The following AANAT variants were observed in gnomAD, a reference collection of about 807,000 sequenced individuals.
AANAT encodes the protein aralkylamine N-acetyltransferase.
Under a neutral mutation model 15.6 loss-of-function variants are expected in AANAT, and 11 were observed. The observed-to-expected ratio is 0.71, with a 90% confidence interval of 0.44 to 1.17. The LOEUF (loss-of-function observed/expected upper bound fraction) is 1.17, where lower values mean the gene tolerates loss of function less well. Among genes scored for constraint, AANAT ranks in the 50% most tolerant of loss-of-function variants. The probability of loss-of-function intolerance (pLI) is 0.00; values close to 1 mark genes in which losing one functional copy is unlikely to be tolerated. For missense variants in AANAT, 286 were observed against 296.3 expected, an observed-to-expected ratio of 0.97 and a Z score of 0.26; for synonymous variants, 139 against 131.5, an observed-to-expected ratio of 1.06 and a Z score of -0.39.
chr17:76,457,061 A>T (rs2073348973), intron 1 of AANAT, among the ~76,000 whole-genome samples: 1 of 152,034 alleles, frequency 6.6e-6, no homozygotes, highest in Admixed American at 6.6e-5. Flanking sequence ...TTTTTGTTTC[A>T]TGGCAGGGTC....
upstream of AANAT, among the ~76,000 whole-genome samples, chr17:76,462,679 C>G (rs528937506): frequency 6.6e-6 from 1 of 152,134 alleles, no homozygotes; most frequent in South Asian, 2.1e-4. Context: ...GAGCCTGCCA[C>G]GTGGTAGTAC....
At position 76,468,720 on chromosome 17, in the gene AANAT, C is replaced by T. The variant is rs575079140; in HGVS notation, c.-27C>T. The T allele has an allele frequency of 3.6e-5, 58 of 1,597,852 alleles. No individual in the cohort carries two copies. The highest frequency in any genetic ancestry group is 3.4e-4 in the East Asian group (15 of 44,204). On this transcript the variant is annotated 5_prime_UTR_variant, in exon 2 of 4. Transcript: ENST00000392492. ...TAGGAGGACACTTCCAAAGCTGGGG[C>T]GCCCCAAGGAGGCACCAGTGGCCAG...
At chr17:76,457,967 C>T (rs1598635511) in intron 1 of AANAT, among the ~76,000 whole-genome samples, 1 of 152,150 alleles carries the variant, frequency 6.6e-6, no homozygotes, top group African/African-American at 2.4e-5. Flanking sequence ...ACCCGGGAGG[C>T]GGAGGCTGCA....
intron 2 of AANAT, 39 bp downstream of exon 2, chr17:76,468,948 C>T (rs1360376919): frequency 3.8e-6 from 6 of 1,590,326 alleles, no homozygotes; most frequent in Non-Finnish European, 5.2e-6. Flanking sequence ...ATGCTCCACT[C>T]TGGTCCAGTT....
In AANAT at chr17:76,469,927, C is replaced by T. The variant is rs1207119477; in HGVS notation, c.581C>T (p.Ser194Phe). 1 of 1,543,688 alleles carries T rather than the reference C, an allele frequency of 6.5e-7. No homozygotes were observed. The highest frequency in any genetic ancestry group is 2.0e-5 in the Admixed American group (1 of 49,762). Residue 194 changes from serine (S) to phenylalanine (F), a missense_variant, in exon 4 of 4, where the codon TCC becomes TTC. Physicochemically the swap from Ser to Phe is radical, Grantham distance 155. Transcript: ENST00000392492. This position sits in a 1 kb window ranked among gnomAD's most constrained non-coding sequence, Gnocchi z 5.2. ...GSLTFMELHC[S>F]LRGHPFLRRN... ...CTCACCTTCATGGAGCTCCACTGCTCCCTGCGGGGCCACCCCTTCCTGCGC... is the reference window on the plus strand; with the variant it reads ...CTCACCTTCATGGAGCTCCACTGCTTCCTGCGGGGCCACCCCTTCCTGCGC...
upstream of AANAT, among the ~76,000 whole-genome samples, chr17:76,463,227 G>GCACTC (rs945617073): frequency 6.6e-6 from 1 of 151,364 alleles, no homozygotes; most frequent in Non-Finnish European, 1.5e-5. Context: ...AACGGCCTCT[G>GCACTC]CACTCCACCT....
At chr17:76,457,129 G>A (rs1172475363) in intron 1 of AANAT, among the ~76,000 whole-genome samples, 5 of 152,060 alleles carry the variant, frequency 3.3e-5, no homozygotes, top group Non-Finnish European at 5.9e-5. Flanking sequence ...TGCAACCTCC[G>A]TCTCCCAGGT....
In AANAT at chr17:76,468,728, G is replaced by C. The variant is rs1487975893; in HGVS notation, c.-19G>C. 5 of 1,605,616 alleles carry C rather than the reference G, an allele frequency of 3.1e-6. No homozygotes were observed. The highest frequency in any genetic ancestry group is 4.2e-6 in the Non-Finnish European group (5 of 1,177,282). On this transcript the variant is annotated 5_prime_UTR_variant, in exon 2 of 4. Coordinates refer to ENST00000392492, the MANE Select transcript of AANAT (RefSeq NM_001088.3). ...CACTTCCAAAGCTGGGGCGCCCCAA[G>C]GAGGCACCAGTGGCCAGAATGTCCA...
Position 76,469,876 on chromosome 17 carries a change from G to T in AANAT, c.530G>T (p.Gly177Val). 1.3e-6 allele frequency: 2 copies of T among 1,587,836 alleles called. No individual in the cohort carries two copies. Among genetic ancestry groups the T allele is most frequent in the Non-Finnish European group, 1.7e-6 (2 of 1,168,546 alleles). The change falls in exon 4 of 4, where the codon GGC becomes GTC. Residue 177 changes from glycine (G) to valine (V), a missense_variant. Physicochemically the swap from Gly to Val is moderately radical, Grantham distance 109. Transcript: ENST00000392492. The surrounding 1 kb of genome is among the most constrained non-coding windows in gnomAD (Gnocchi z 5.2). ...GAGAGGTTCAGCTTCCACGCCGTGG[G>T]CCCCTGCGCCATCACCGTGGGCTCC... ...FYERFSFHAV[G>V]PCAITVGSLT...
At chr17:76,464,988 A>T (rs2073423517), upstream of AANAT, among the ~76,000 whole-genome samples, 1 of 150,926 alleles carries the variant, frequency 6.6e-6, no homozygotes, top group Admixed American at 6.6e-5. Context: ...GTAGAGACGG[A>T]GTTTCACCAT....
intron 1 of AANAT, among the ~76,000 whole-genome samples, chr17:76,467,949 G>C (rs573010286): frequency 6.6e-6 from 1 of 152,210 alleles, no homozygotes; most frequent in South Asian, 2.1e-4. Flanking sequence ...GTGTGGGGCA[G>C]GGGGTGTCCT....
At position 76,469,424 on chromosome 17, in the gene AANAT, C is replaced by T. The variant is rs2073488427; in HGVS notation, c.318+97C>T. 7.9e-6 allele frequency: 12 copies of T among 1,522,496 alleles called. No homozygotes were observed. In the South Asian group the frequency reaches 1.2e-4, roughly 15 times the overall value. The allele number at this position is 1,522,496 out of a possible 1,614,324, so 94.3% of individuals were successfully genotyped here. A position where few individuals can be genotyped will look rare whatever the true frequency, so the allele number is the denominator to read the frequency against. On this transcript the variant is annotated intron_variant, in intron 3 of 3. Transcript: ENST00000392492. The surrounding 1 kb of genome is among the most constrained non-coding windows in gnomAD (Gnocchi z 5.2). Reference sequence around the variant, plus strand: ...GGGAGCCCAGGGGCTGGGATTTCTTCCTCCAGAACTGGAGAGATGAGTACA... The same window carrying T: ...GGGAGCCCAGGGGCTGGGATTTCTTTCTCCAGAACTGGAGAGATGAGTACA...
chr17:76,461,554 A>G (rs2073388314), intron 2 of AANAT, among the ~76,000 whole-genome samples: 1 of 142,490 alleles, frequency 7.0e-6, no homozygotes, highest in African/African-American at 2.6e-5. Flanking sequence ...AGGTTGGTGA[A>G]CTGAGATTGT....
At chr17:76,466,211 TG>T (rs2073436847), upstream of AANAT, 1 of 1,535,952 alleles carries the variant, frequency 6.5e-7, no homozygotes, top group Non-Finnish European at 8.7e-7. Context: ...AGAGGCCTTT[TG>T]GGGGACCCTG....
chr17:76,462,612 T>A (rs2143968479), upstream of AANAT: 1 of 152,428 alleles, frequency 6.6e-6, no homozygotes, highest in East Asian at 1.9e-4. Flanking sequence ...GGGTCGCTCA[T>A]GAGACCTCTC....
exon 1 of AANAT, chr17:76,453,410 G>C (rs2073299496): frequency 3.4e-6 from 1 of 294,772 alleles, no homozygotes; most frequent in Non-Finnish European, 6.2e-6. Flanking sequence ...AGCGAGAAGG[G>C]GCGGGGACCC....
upstream of AANAT, chr17:76,467,548 C>T (rs1326869662): frequency 1.4e-5 from 14 of 985,372 alleles, no homozygotes; most frequent in Non-Finnish European, 1.6e-5. Flanking sequence ...TGGGATAGCT[C>T]GAGAGGTGGG....
chr17:76,463,274 G>C (rs567722235), upstream of AANAT, among the ~76,000 whole-genome samples: 1 of 148,540 alleles, frequency 6.7e-6, no homozygotes, highest in Admixed American at 6.7e-5. Context: ...TCTGCATCTG[G>C]CCTCTCCACC....
At chr17:76,465,223 C>T (rs892333825), upstream of AANAT, among the ~76,000 whole-genome samples, 3 of 152,098 alleles carry the variant, frequency 2.0e-5, no homozygotes, top group Non-Finnish European at 4.4e-5. Context: ...AGAGGCGTTG[C>T]CAGCACTCTT....
Sources: gnomAD v4.1 joint callset for allele counts (sites outside exome capture counted in the v4.1 genomes callset) on GRCh38, gnomAD v4.1.1 for gene constraint, Gnocchi (gnomAD v3.1) non-coding constraint, MANE v1.5 for transcripts, NCBI Gene and HGNC (gene_info 2026-07-23, HGNC 2026-07-21) for gene names.